The following TGM6 variants were observed in gnomAD, a reference collection of about 807,000 sequenced individuals.
The protein encoded by TGM6 is protein-glutamine gamma-glutamyltransferase 6.
Under a neutral mutation model 77.5 loss-of-function variants are expected in TGM6, and 74 were observed. That is an observed-to-expected ratio of 0.96 (90% CI 0.79 to 1.16). The LOEUF (loss-of-function observed/expected upper bound fraction) is 1.16. Ranked by LOEUF, TGM6 falls within the 50% of genes most tolerant of loss-of-function variation. The pLI is 0.00. For missense variants in TGM6, 968 were observed against 940.2 expected (o/e 1.03, Z -0.39); for synonymous variants, 383 against 378.9 (o/e 1.01, Z -0.12).
At chr20:2,386,546 G>A (rs182589047) in intron 1 of TGM6, among the ~76,000 whole-genome samples, 2 of 152,296 alleles carry the variant, frequency 1.3e-5, no homozygotes, top group Admixed American at 1.3e-4. Flanking sequence ...CTCAGCAGAA[G>A]GAAGGGCTTT....
Position 2,395,212 on chromosome 20 carries a change from C to G in TGM6, c.200C>G (p.Ala67Gly). The change falls in exon 3 of 13, where the codon GCC becomes GGC. Residue 67 changes from alanine to glycine, a missense_variant. Transcript: ENST00000202625. ...TMETGPRASE[A>G]LHTKAVFQTS... ...CCTCCAGGACCCCGGGCTTCTGAGG[C>G]CCTCCACACCAAAGCTGTGTTCCAG... The G allele has an allele frequency of 6.2e-7, 1 of 1,613,702 alleles. No homozygotes were observed. Among genetic ancestry groups the G allele is most frequent in the Non-Finnish European group, 8.5e-7 (1 of 1,180,014 alleles).
chr20:2,393,157 T>C (rs977075504), intron 1 of TGM6, among the ~76,000 whole-genome samples: 2 of 152,272 alleles, frequency 1.3e-5, no homozygotes, highest in Non-Finnish European at 2.9e-5. Flanking sequence ...ATCTATACTC[T>C]GCACTTTCTT....
chr20:2,420,460 G>A (rs2084848712), intron 10 of TGM6, among the ~76,000 whole-genome samples: 1 of 152,116 alleles, frequency 6.6e-6, no homozygotes, highest in Non-Finnish European at 1.5e-5. Flanking sequence ...TACAATTAAT[G>A]AGCCAATATT....
intron 10 of TGM6, among the ~76,000 whole-genome samples, chr20:2,421,267 G>A (rs933899980): frequency 1.3e-5 from 2 of 152,340 alleles, no homozygotes; most frequent in African/African-American, 2.4e-5. Context: ...TTACAGGCAT[G>A]AGCCGCCGTG....
At position 2,431,037 on chromosome 20, in the gene TGM6, A is replaced by G; in HGVS notation, c.1967+10A>G. Reference sequence around the variant, plus strand: ...AACAGCTCAGCATCGAGTAAGTGCCAGCCTGGGGGGCTGGCAGGGAATGGG... The same window carrying G: ...AACAGCTCAGCATCGAGTAAGTGCCGGCCTGGGGGGCTGGCAGGGAATGGG... On this transcript the variant is annotated intron_variant, in intron 12 of 12. Transcript: ENST00000202625. 2 of 1,613,616 alleles carry G rather than the reference A, an allele frequency of 1.2e-6. No individual in the cohort carries two copies. The highest frequency in any genetic ancestry group is 1.7e-6 in the Non-Finnish European group (2 of 1,179,714).
rs2084693742 is a variant in TGM6, at chr20:2,399,756, G to A, written c.850+18G>A. The A allele has an allele frequency of 6.2e-7, 1 of 1,608,924 alleles. No homozygotes were observed. The highest frequency in any genetic ancestry group is 8.5e-7 in the Non-Finnish European group (1 of 1,176,908). On this transcript the variant is annotated intron_variant, in intron 6 of 12. Coordinates refer to ENST00000202625, the MANE Select transcript of TGM6 (RefSeq NM_198994.3). ...GTGCACAGGTACCCTGGGAGAGAAG[G>A]GCCCCAGGGTACCTGTGCCCCCAGC...
chr20:2,426,015 C>T (rs2084885433), intron 10 of TGM6, among the ~76,000 whole-genome samples: 1 of 152,168 alleles, frequency 6.6e-6, no homozygotes. Context: ...CCCACCCACA[C>T]ATAAAGTTTG....
chr20:2,414,929 G>A (rs2084804842), intron 9 of TGM6, among the ~76,000 whole-genome samples: 1 of 104,216 alleles, frequency 9.6e-6, no homozygotes, highest in South Asian at 4.3e-4. Context: ...GATGGTTACA[G>A]AATTTGGGGG....
intron 1 of TGM6, among the ~76,000 whole-genome samples, chr20:2,392,649 C>A (rs747487889): frequency 6.6e-6 from 1 of 152,180 alleles, no homozygotes; most frequent in African/African-American, 2.4e-5. Context: ...ACAGTGGTCA[C>A]GCCTGTAATC....
intron 10 of TGM6, among the ~76,000 whole-genome samples, chr20:2,421,188 T>C (rs2122419282): frequency 6.6e-6 from 1 of 152,336 alleles, no homozygotes; most frequent in African/African-American, 2.4e-5. Flanking sequence ...GGTTTCACCA[T>C]GTTGGCCAGG....
chr20:2,425,070 A>G (rs1019878983), intron 10 of TGM6, among the ~76,000 whole-genome samples: 1 of 152,198 alleles, frequency 6.6e-6, no homozygotes, highest in African/African-American at 2.4e-5. Context: ...ACAGGGGCTC[A>G]TATATGTAAT....
chr20:2,426,468 T>A (rs1158312209), intron 10 of TGM6, among the ~76,000 whole-genome samples: 3 of 152,204 alleles, frequency 2.0e-5, no homozygotes, highest in Admixed American at 2.0e-4. Flanking sequence ...GAACAAAGAC[T>A]GTTTTATTTC....
In TGM6 at chr20:2,403,594, C is replaced by A. The variant is rs776922671; in HGVS notation, c.1107C>A (p.Cys369Ter). The A allele has an allele frequency of 5.6e-6, 9 of 1,614,106 alleles. No individual in the cohort carries two copies. The highest frequency in any genetic ancestry group is 1.7e-5 in the Admixed American group (1 of 60,020). Residue 369 changes from cysteine (C) to a stop codon, truncating the protein, a stop_gained, in exon 9 of 13, where the codon TGC becomes TGA. Transcript: ENST00000202625. LOFTEE classifies it high-confidence loss of function. The stretch of plus-strand genomic sequence containing the variant: ...CCTCCTGCCCAGGTGTGTTCCGGTG[C>A]GGCCCAGCCTCAGTCACCGCCATCC... ...PQEESEGVFR[C>*]GPASVTAIRE...
chr20:2,388,874 G>A (rs2084613297), intron 1 of TGM6, among the ~76,000 whole-genome samples: 1 of 152,214 alleles, frequency 6.6e-6, no homozygotes, highest in African/African-American at 2.4e-5. Context: ...TGCATGACAA[G>A]TGTCCTTTGG....
chr20:2,408,971 AG>A (rs1210120614), intron 9 of TGM6, among the ~76,000 whole-genome samples: 2 of 152,218 alleles, frequency 1.3e-5, no homozygotes, highest in African/African-American at 4.8e-5. Flanking sequence ...ATTTAAAATC[AG>A]GTAGACTCTA....
chr20:2,396,455 C>T (rs756232145), intron 3 of TGM6, 51 bp from the exon 4 acceptor site: 3 of 1,578,368 alleles, frequency 1.9e-6, no homozygotes, highest in Non-Finnish European at 2.6e-6. Flanking sequence ...CTTCCCCAGG[C>T]CAGCAAGGCC....
chr20:2,402,656 G>A (rs937247730), intron 7 of TGM6, among the ~76,000 whole-genome samples: 3 of 152,206 alleles, frequency 2.0e-5, no homozygotes, highest in African/African-American at 7.2e-5. Flanking sequence ...CAGGCAAACC[G>A]GGAATCAGGT....
chr20:2,418,346 T>C (rs1203154874), intron 10 of TGM6, among the ~76,000 whole-genome samples: 1 of 152,306 alleles, frequency 6.6e-6, no homozygotes, highest in African/African-American at 2.4e-5. Context: ...GTCCCAAGAA[T>C]TCTGCATGCG....
chr20:2,414,944 G>GGGGGC (rs1344738303), intron 9 of TGM6, among the ~76,000 whole-genome samples: 25 of 97,380 alleles, frequency 2.6e-4, no homozygotes, highest in African/African-American at 9.6e-4. Flanking sequence ...TGGGGGGGGG[G>GGGGGC]GTGAAAAAAC....
Sources: allele counts gnomAD v4.1 joint callset (sites outside exome capture counted in the v4.1 genomes callset), GRCh38; gene constraint gnomAD v4.1.1; transcripts MANE v1.5; gene names NCBI Gene and HGNC (gene_info 2026-07-23, HGNC 2026-07-21).